KHDRBS1: variants seen among roughly 807,000 people sequenced by gnomAD.
KHDRBS1 encodes KH RNA binding domain containing, signal transduction associated 1, also known as KH domain-containing, RNA-binding, signal transduction-associated protein 1.
A neutral mutation model predicts 48.4 loss-of-function variants in KHDRBS1; 7 were observed. That is an observed-to-expected ratio of 0.14 (90% CI 0.08 to 0.27). The LOEUF (loss-of-function observed/expected upper bound fraction) is 0.27, where lower values mean the gene tolerates loss of function less well. Among genes scored for constraint, KHDRBS1 ranks in the 10% least tolerant of loss-of-function variants. KHDRBS1 has a pLI of 1.00. For missense variants in KHDRBS1, 458 were observed against 601.2 expected (o/e 0.76, Z 2.49); for synonymous variants, 241 against 235.8 (o/e 1.02, Z -0.20).
intron 6 of KHDRBS1, 116 bp downstream of exon 6, chr1:32,038,152 A>T: frequency 6.8e-7 from 1 of 1,476,198 alleles, no homozygotes; most frequent in Non-Finnish European, 9.1e-7. Flanking sequence ...AAGATTTGCA[A>T]TCTGCCCTCT....
chr1:32,028,095 T>G (rs1639010000), intron 1 of KHDRBS1, among the ~76,000 whole-genome samples: 1 of 152,172 alleles, frequency 6.6e-6, no homozygotes, highest in Non-Finnish European at 1.5e-5. Context: ...CCAACCTGGG[T>G]GACAGAGCGA....
intron 1 of KHDRBS1, among the ~76,000 whole-genome samples, chr1:32,028,094 G>C (rs1639009912): frequency 6.6e-6 from 1 of 152,212 alleles, no homozygotes; most frequent in African/African-American, 2.4e-5. Flanking sequence ...TCCAACCTGG[G>C]TGACAGAGCG....
At chr1:32,045,139 A>G (rs1049440396), downstream of KHDRBS1, among the ~76,000 whole-genome samples, 3 of 152,242 alleles carry the variant, frequency 2.0e-5, no homozygotes, top group African/African-American at 7.2e-5. Context: ...TCAGCTATTT[A>G]AAACTGTGTA....
chr1:32,042,412 C>G (rs562399464), intron 8 of KHDRBS1, 115 bp from the exon 9 acceptor site: 85 of 686,088 alleles, frequency 1.2e-4, no homozygotes, highest in South Asian at 7.2e-4. Flanking sequence ...GGGGAAGTGT[C>G]AAGACATTAG....
intron 10 of KHDRBS1, among the ~76,000 whole-genome samples, chr1:32,055,657 T>C (rs1338027728): frequency 6.6e-6 from 1 of 152,144 alleles, no homozygotes; most frequent in Non-Finnish European, 1.5e-5. Context: ...AACACTGCCT[T>C]AACTACCCGT....
At chr1:32,023,240 T>G (rs911036299) in intron 1 of KHDRBS1, among the ~76,000 whole-genome samples, 9 of 152,060 alleles carry the variant, frequency 5.9e-5, no homozygotes, top group African/African-American at 2.2e-4. Flanking sequence ...AAAGGTTAAG[T>G]TATAGTAAAA....
chr1:32,044,282 G>C (rs997736433), downstream of KHDRBS1, among the ~76,000 whole-genome samples: 1 of 152,218 alleles, frequency 6.6e-6, no homozygotes, highest in Non-Finnish European at 1.5e-5. Context: ...AATAATTTCT[G>C]TGAGCTCAGA....
At chr1:32,051,625 C>T (rs567938877) in intron 10 of KHDRBS1, among the ~76,000 whole-genome samples, 16 of 152,326 alleles carry the variant, frequency 1.1e-4, no homozygotes, top group African/African-American at 3.1e-4. Context: ...TCAACTTCCT[C>T]GCTTCCTAGC....
intron 1 of KHDRBS1, among the ~76,000 whole-genome samples, chr1:32,020,552 C>G (rs1277324421): frequency 6.7e-6 from 1 of 149,348 alleles, no homozygotes; most frequent in Non-Finnish European, 1.5e-5. Flanking sequence ...TAGCCAAAAA[C>G]TGGAAACAAA....
At chr1:32,051,436 T>A (rs1262423578) in intron 10 of KHDRBS1, among the ~76,000 whole-genome samples, 1 of 152,218 alleles carries the variant, frequency 6.6e-6, no homozygotes, top group Non-Finnish European at 1.5e-5. Context: ...ACTGAGAGTT[T>A]GTAAGTGATA....
At chr1:32,038,059 C>G in intron 6 of KHDRBS1, 23 bp downstream of exon 6, 2 of 1,612,968 alleles carry the variant, frequency 1.2e-6, no homozygotes, top group Non-Finnish European at 8.5e-7. Flanking sequence ...AACAATGTGC[C>G]ATTTCCCAGT....
At chr1:32,058,593 G>T (rs751896881) in intron 10 of KHDRBS1, among the ~76,000 whole-genome samples, 1 of 152,168 alleles carries the variant, frequency 6.6e-6, no homozygotes, top group Non-Finnish European at 1.5e-5. Flanking sequence ...GCTGATGAGT[G>T]GAGAATGGTT....
chr1:32,019,666 A>G (rs1638817694), intron 1 of KHDRBS1, among the ~76,000 whole-genome samples: 1 of 152,268 alleles, frequency 6.6e-6, no homozygotes, highest in Non-Finnish European at 1.5e-5. Context: ...ACATCCCATA[A>G]GACTACATAC....
chr1:32,021,284 C>T (rs1638852872), intron 1 of KHDRBS1, among the ~76,000 whole-genome samples: 1 of 151,592 alleles, frequency 6.6e-6, no homozygotes, highest in Non-Finnish European at 1.5e-5. Flanking sequence ...TTTTTTTAAC[C>T]AATACCCAGC....
intron 5 of KHDRBS1, among the ~76,000 whole-genome samples, chr1:32,037,621 C>T (rs1351230744): frequency 3.3e-5 from 5 of 152,148 alleles, no homozygotes; most frequent in Admixed American, 2.6e-4. Context: ...CTCTCCAGAC[C>T]TACCCAAGGC....
intron 5 of KHDRBS1, 86 bp from the exon 6 acceptor site, chr1:32,037,749 C>T (rs1639209362): frequency 6.8e-7 from 1 of 1,468,206 alleles, no homozygotes; most frequent in Non-Finnish European, 9.5e-7. Flanking sequence ...TAAAATCTGC[C>T]TAATTCCAGA....
At chr1:32,036,683 G>A (rs1389923998) in intron 4 of KHDRBS1, among the ~76,000 whole-genome samples, 4 of 152,196 alleles carry the variant, frequency 2.6e-5, no homozygotes, top group South Asian at 2.1e-4. Flanking sequence ...GAAGTGATCC[G>A]GAGAGCTAGG....
chr1:32,042,065 G>A (rs1434112031), intron 8 of KHDRBS1, among the ~76,000 whole-genome samples: 1 of 152,212 alleles, frequency 6.6e-6, no homozygotes, highest in East Asian at 1.9e-4. Context: ...TTGCATGGAA[G>A]TGGGGCTGGC....
chr1:32,016,777 G>C (rs1050646268), intron 1 of KHDRBS1, among the ~76,000 whole-genome samples: 10 of 152,286 alleles, frequency 6.6e-5, no homozygotes, highest in African/African-American at 2.2e-4. Context: ...GTTATGTACA[G>C]TATTTGTTTG....
Sources: gnomAD v4.1 joint callset for allele counts (sites outside exome capture counted in the v4.1 genomes callset) on GRCh38, gnomAD v4.1.1 for gene constraint, MANE v1.5 for transcripts, NCBI Gene and HGNC (gene_info 2026-07-23, HGNC 2026-07-21) for gene names.